The following PLCH1 variants were observed in gnomAD, a reference collection of about 807,000 sequenced individuals.
PLCH1 encodes phospholipase C eta 1, also known as 1-phosphatidylinositol 4,5-bisphosphate phosphodiesterase eta-1.
In PLCH1, 60 loss-of-function variants were observed where a neutral mutation model predicts 126.7. That is an observed-to-expected ratio of 0.47 (90% CI 0.38 to 0.59). The LOEUF (loss-of-function observed/expected upper bound fraction) is 0.59, where lower values mean the gene tolerates loss of function less well. PLCH1 is among the 20% of genes least tolerant of loss of function. The pLI, the probability that PLCH1 is intolerant of heterozygous loss-of-function variation, is 0.00. For synonymous variants in PLCH1, 719 were observed against 734.9 expected, an observed-to-expected ratio of 0.98 and a Z score of 0.35; for missense variants, 1,723 against 2,040.0, an observed-to-expected ratio of 0.84 and a Z score of 2.99.
intron 21 of PLCH1, among the ~76,000 whole-genome samples, chr3:155,467,071 A>G (rs895475138): frequency 6.6e-6 from 1 of 152,160 alleles, no homozygotes; most frequent in African/African-American, 2.4e-5. Flanking sequence ...TAGGGGGTAG[A>G]AAGTTTATTC....
chr3:155,537,224 A>AAAAAAAAAAAAC (rs1723547874), intron 10 of PLCH1, among the ~76,000 whole-genome samples: 1 of 10,162 alleles, frequency 9.8e-5, no homozygotes, highest in African/African-American at 1.5e-4. Context: ...AAAAAAAAAA[A>AAAAAAAAAAAAC]AAAAAAAAAC....
chr3:155,665,404 A>G (rs1235990370), intron 2 of PLCH1, among the ~76,000 whole-genome samples: 2 of 152,230 alleles, frequency 1.3e-5, no homozygotes, highest in East Asian at 3.8e-4. Context: ...ATGAGACAGA[A>G]GAGATCATAT....
chr3:155,646,199 G>A (rs961205426), intron 2 of PLCH1, among the ~76,000 whole-genome samples: 3 of 152,092 alleles, frequency 2.0e-5, no homozygotes, highest in African/African-American at 7.2e-5. Flanking sequence ...GAAAGCATTA[G>A]GATACAAAAA....
At chr3:155,500,112 G>C (rs1227210351) in intron 14 of PLCH1, among the ~76,000 whole-genome samples, 1 of 152,090 alleles carries the variant, frequency 6.6e-6, no homozygotes, top group East Asian at 1.9e-4. Flanking sequence ...TGAATCATGT[G>C]TCACGATTTG....
At chr3:155,608,251 G>T (rs1577127879) in intron 2 of PLCH1, among the ~76,000 whole-genome samples, 1 of 152,188 alleles carries the variant, frequency 6.6e-6, no homozygotes, top group Non-Finnish European at 1.5e-5. Context: ...TAGGGAGGGG[G>T]TCACAAGGTG....
chr3:155,672,809 A>G (rs149185498), intron 2 of PLCH1, among the ~76,000 whole-genome samples: 1 of 152,306 alleles, frequency 6.6e-6, no homozygotes, highest in East Asian at 1.9e-4. Context: ...AGCAGCTTTG[A>G]TCAGGGGCAA....
chr3:155,600,691 T>C (rs1268993076), intron 2 of PLCH1, among the ~76,000 whole-genome samples: 1 of 152,226 alleles, frequency 6.6e-6, no homozygotes, highest in South Asian at 2.1e-4. Context: ...GTATCTGTTA[T>C]GCTCTAGACC....
intron 21 of PLCH1, among the ~76,000 whole-genome samples, chr3:155,468,887 C>T (rs947241550): frequency 6.6e-6 from 1 of 152,110 alleles, no homozygotes; most frequent in Non-Finnish European, 1.5e-5. Flanking sequence ...AACAAAGAAA[C>T]ATGAGACTTA....
At chr3:155,660,201 G>A (rs552628136) in intron 2 of PLCH1, among the ~76,000 whole-genome samples, 6 of 152,234 alleles carry the variant, frequency 3.9e-5, no homozygotes, top group Admixed American at 6.5e-5. Context: ...ATTGAAAGTC[G>A]GACTTTTCCT....
At chr3:155,723,691 C>G (rs930700514) in intron 1 of PLCH1, among the ~76,000 whole-genome samples, 5 of 152,110 alleles carry the variant, frequency 3.3e-5, no homozygotes, top group African/African-American at 1.2e-4. Flanking sequence ...CATGGTGGCT[C>G]ATGCTTAAAA....
chr3:155,473,643 G>C (rs527860660), intron 21 of PLCH1, among the ~76,000 whole-genome samples: 3 of 152,060 alleles, frequency 2.0e-5, no homozygotes, highest in Admixed American at 2.0e-4. Context: ...AAAGAACAAA[G>C]CTGGAGGCAT....
chr3:155,676,326 T>C, intron 2 of PLCH1: 1 of 1,098,550 alleles, frequency 9.1e-7, no homozygotes, highest in Non-Finnish European at 1.1e-6. Context: ...TGCTCGGGGC[T>C]GCCGCTATTG....
At chr3:155,456,398 T>C (rs111776715) in intron 21 of PLCH1, among the ~76,000 whole-genome samples, 1 of 151,896 alleles carries the variant, frequency 6.6e-6, no homozygotes, top group Non-Finnish European at 1.5e-5. Flanking sequence ...TTGGGCCACA[T>C]TCAAAGCCAT....
chr3:155,544,360 A>C (rs1280632445), intron 10 of PLCH1, among the ~76,000 whole-genome samples: 4 of 152,200 alleles, frequency 2.6e-5, no homozygotes, highest in Admixed American at 6.5e-5. Flanking sequence ...ATATGCACCC[A>C]ATACAGGAGC....
intron 10 of PLCH1, among the ~76,000 whole-genome samples, chr3:155,542,813 C>G (rs1724549210): frequency 6.6e-6 from 1 of 152,182 alleles, no homozygotes; most frequent in African/African-American, 2.4e-5. Flanking sequence ...TCCAACAGAC[C>G]TGCAGCTGAG....
At chr3:155,508,597 A>G (rs1236763392) in intron 12 of PLCH1, among the ~76,000 whole-genome samples, 11 of 137,632 alleles carry the variant, frequency 8.0e-5, no homozygotes, top group Admixed American at 2.2e-4. Flanking sequence ...CTTTTTCTGC[A>G]TCTATTGAGA....
chr3:155,489,399 CA>C (rs1441270966), intron 19 of PLCH1, among the ~76,000 whole-genome samples: 1 of 151,984 alleles, frequency 6.6e-6, no homozygotes, highest in East Asian at 1.9e-4. Context: ...TACTGACTTT[CA>C]AAAATATATT....
rs779412381 is a variant in PLCH1, at chr3:155,596,192, C to T, written c.226+40G>A. ...CCCACTCAGTATAACCCGTGTGTTA[C>T]TATGTCCAGCCAAGCAAAGAATTCA... On this transcript the variant is annotated intron_variant, in intron 3 of 22. Transcript: ENST00000460012. 3.0e-5 allele frequency: 47 copies of T among 1,541,386 alleles called. No individual in the cohort carries two copies. The African/African-American group carries it at 6.4e-4, about 21-fold the overall frequency.
At chr3:155,602,348 T>G (rs187372936) in intron 2 of PLCH1, among the ~76,000 whole-genome samples, 4 of 152,112 alleles carry the variant, frequency 2.6e-5, no homozygotes, top group Non-Finnish European at 4.4e-5. Context: ...CTGTTACCTA[T>G]AAGAATGACA....
Sources: gnomAD v4.1 joint callset for allele counts (sites outside exome capture counted in the v4.1 genomes callset) on GRCh38, gnomAD v4.1.1 for gene constraint, MANE v1.5 for transcripts, NCBI Gene and HGNC (gene_info 2026-07-23, HGNC 2026-07-21) for gene names.